Variants in ZNF75D observed in about 807,000 individuals in gnomAD.
ZNF75D encodes the protein zinc finger protein 75D.
ZNF75D carries 33 observed loss-of-function variants against 33.3 expected under a neutral mutation model. That is an observed-to-expected ratio of 0.99 (90% CI 0.75 to 1.32). The LOEUF is 1.32. Among genes scored for constraint, ZNF75D ranks in the 40% most tolerant of loss-of-function variants. The pLI, the probability that ZNF75D is intolerant of heterozygous loss-of-function variation, is 0.00. For missense variants in ZNF75D, 338 were observed against 367.5 expected, an observed-to-expected ratio of 0.92 and a Z score of 0.66; for synonymous variants, 113 against 130.6, an observed-to-expected ratio of 0.87 and a Z score of 0.92.
Position 135,287,204 on chromosome X carries a change from C to T in ZNF75D, c.1466G>A (p.Arg489Gln), listed in dbSNP as rs781912304. The change falls in exon 7 of 7, where the codon CGA becomes CAA. Residue 489 changes from arginine (R) to glutamine (Q), a missense_variant. By Grantham distance (43) the Arg-to-Gln change is conservative. This residue lies in a region of ZNF75D where 79 missense variants were observed against 80.1 expected (regional missense o/e 0.99). Transcript: ENST00000370766. ...TTTCTGGTGTCTAAGAAGGCTCGATCGCCTACTAAAGTTTCTCTTGCATAA... is the reference window on the plus strand; with the variant it reads ...TTTCTGGTGTCTAAGAAGGCTCGATTGCCTACTAAAGTTTCTCTTGCATAA... ...CSLCKRNFSR[R>Q]SSLLRHQKLH... 30 of 1,209,656 alleles carry T rather than the reference C, an allele frequency of 2.5e-5. No individual in the cohort carries two copies. The highest frequency in any genetic ancestry group is 8.9e-5 in the East Asian group (3 of 33,795).
At chrX:135,263,655 T>G (rs2083851838) in intron 1 of ZNF75D, among the ~76,000 whole-genome samples, 1 of 113,005 alleles carries the variant, frequency 8.8e-6, no homozygotes, top group Non-Finnish European at 1.9e-5. Flanking sequence ...TGTCTGCCAG[T>G]TGCTAAGACC....
Position 135,343,885 on chromosome X carries a change from C to G in ZNF75D, c.-2508G>C, listed in dbSNP as rs1283955527. ...CCTCACTGGGCTTGGGACGCTGCAGCTCCTGTCCCCGTTTCGCTTCTACCA... is the reference window on the plus strand; with the variant it reads ...CCTCACTGGGCTTGGGACGCTGCAGGTCCTGTCCCCGTTTCGCTTCTACCA... On this transcript the variant is annotated 5_prime_UTR_variant, in exon 1 of 7. Coordinates refer to ENST00000370766, the MANE Select transcript of ZNF75D (RefSeq NM_007131.5). The G allele has an allele frequency of 8.9e-6, 1 of 112,006 alleles. No homozygotes were observed. The highest frequency in any genetic ancestry group is 3.3e-5 in the African/African-American group (1 of 30,764). 9.2% of individuals were successfully genotyped at this position (112,006 alleles called of 1,213,427 possible). A position where few individuals can be genotyped will look rare whatever the true frequency, so the allele number is the denominator to read the frequency against.
intron 1 of ZNF75D, among the ~76,000 whole-genome samples, chrX:135,273,362 G>A (rs782312959): frequency 9.0e-6 from 1 of 111,420 alleles, no homozygotes; most frequent in South Asian, 3.8e-4. Context: ...ACTCACACAT[G>A]TTTCAGGTAA....
At chrX:135,263,468 G>A (rs1170161357) in intron 1 of ZNF75D, among the ~76,000 whole-genome samples, 2 of 112,828 alleles carry the variant, frequency 1.8e-5, no homozygotes, top group South Asian at 3.6e-4. Flanking sequence ...CAGTGGGCTC[G>A]TCCCAGTTTG....
chrX:135,278,257 G>A (rs1342851706), intron 1 of ZNF75D, among the ~76,000 whole-genome samples: 1 of 111,572 alleles, frequency 9.0e-6, no homozygotes, highest in Non-Finnish European at 1.9e-5. Flanking sequence ...TAGCAATTGT[G>A]AATGGGAGTT....
intron 1 of ZNF75D, among the ~76,000 whole-genome samples, chrX:135,262,988 A>T (rs782725871): frequency 4.3e-4 from 47 of 109,426 alleles, no homozygotes; most frequent in African/African-American, 1.6e-3. Flanking sequence ...GGTGTAGATG[A>T]CCTTTTTGTT....
rs1484842346 is a variant in ZNF75D at position 135,314,960 on chromosome X, C to T, written c.-390-18921G>A. On this transcript the variant is annotated intron_variant, in intron 1 of 6. Transcript: ENST00000370766. Reference sequence around the variant, plus strand: ...TATTGTTTCTAGTCTCCACTTAATTCTGCTCTGATAGTTTAAGTTTCTTTA... The same window carrying T: ...TATTGTTTCTAGTCTCCACTTAATTTTGCTCTGATAGTTTAAGTTTCTTTA... Among the ~76,000 whole-genome samples the T allele has an allele frequency of 5.4e-5, 6 of 111,650 alleles. No individual in the cohort carries two copies. The Admixed American group carries it at 5.7e-4, about 11-fold the overall frequency.
chrX:135,258,862 C>T (rs1248144509), intron 1 of ZNF75D, among the ~76,000 whole-genome samples: 1 of 111,999 alleles, frequency 8.9e-6, no homozygotes, highest in African/African-American at 3.3e-5. Flanking sequence ...GTCATGAAGT[C>T]CTTGCCCATG....
intron 1 of ZNF75D, among the ~76,000 whole-genome samples, chrX:135,339,688 T>C (rs1288768704): frequency 8.0e-5 from 9 of 112,373 alleles, no homozygotes; most frequent in Non-Finnish European, 1.3e-4. Flanking sequence ...ACATGCAATA[T>C]ATCCTGGAGT....
intron 1 of ZNF75D, among the ~76,000 whole-genome samples, chrX:135,329,074 C>T (rs782410231): frequency 2.7e-5 from 3 of 112,122 alleles, no homozygotes; most frequent in Non-Finnish European, 5.6e-5. Context: ...GTCCCAACTC[C>T]TTTCTTACAG....
At chrX:135,336,265 T>C (rs1307409136) in intron 1 of ZNF75D, among the ~76,000 whole-genome samples, 5 of 112,153 alleles carry the variant, frequency 4.5e-5, no homozygotes, top group African/African-American at 1.6e-4. Flanking sequence ...CCAAATCTGC[T>C]GGTGCCTTGA....
chrX:135,336,874 T>C (rs782660596), intron 1 of ZNF75D, among the ~76,000 whole-genome samples: 1 of 112,283 alleles, frequency 8.9e-6, no homozygotes, highest in Non-Finnish European at 1.9e-5. Flanking sequence ...TTCTGTGCTT[T>C]ACATTCAATC....
chrX:135,269,225 A>G (rs781993441), intron 1 of ZNF75D, among the ~76,000 whole-genome samples: 2 of 112,421 alleles, frequency 1.8e-5, no homozygotes, highest in East Asian at 5.6e-4. Context: ...ACAAGCACAG[A>G]CAACCAAAGC....
At chrX:135,302,228 T>A (rs1157213762) in intron 1 of ZNF75D, among the ~76,000 whole-genome samples, 1 of 112,411 alleles carries the variant, frequency 8.9e-6, no homozygotes, top group East Asian at 2.8e-4. Context: ...ACATTATATT[T>A]AGGCCCTATA....
chrX:135,290,944 T>C, intron 6 of ZNF75D, 65 bp downstream of exon 6: 1 of 1,082,947 alleles, frequency 9.2e-7, no homozygotes. Context: ...AGGGGTGCAT[T>C]TTCCATAAAC....
Position 135,292,370 on chromosome X carries a change from A to G in ZNF75D, c.515T>C (p.Phe172Ser), listed in dbSNP as rs1556421520. The G allele has an allele frequency of 8.3e-7, 1 of 1,211,460 alleles. No individual in the cohort carries two copies. Among genetic ancestry groups the G allele is most frequent in the Non-Finnish European group, 1.1e-6 (1 of 895,308 alleles). ...KPAEPQPMGV[F>S]QKEYWNTYRV... ...GTATGTATTCCAATATTCTTTCTGG[A>G]ACACACCCATTGGTTGGGGCTCTGC... Residue 172 changes from phenylalanine (F) to serine (S), a missense_variant, in exon 4 of 7, where the codon TTC becomes TCC. Around this residue, in one of 3 missense-constraint regions of ZNF75D, gnomAD observed 254 missense variants for 267.7 expected, o/e 0.95. Transcript: ENST00000370766.
At chrX:135,283,602 GC>G, downstream of ZNF75D, among the ~76,000 whole-genome samples, 1 of 111,817 alleles carries the variant, frequency 8.9e-6, no homozygotes, top group African/African-American at 3.3e-5. Flanking sequence ...CAGTTATTGT[GC>G]CCATTCCTCT....
chrX:135,296,672 A>G (rs2084134424), intron 1 of ZNF75D, among the ~76,000 whole-genome samples: 1 of 112,635 alleles, frequency 8.9e-6, no homozygotes, highest in Non-Finnish European at 1.9e-5. Flanking sequence ...TAGTTATCAG[A>G]CATGTGCTCC....
At position 135,293,745 on chromosome X, in the gene ZNF75D, A is replaced by G. The variant is rs782120513; in HGVS notation, c.396T>C (p.Asp132=). Residue 132 remains aspartate, a synonymous_variant, in exon 3 of 7, where the codon GAT becomes GAC. Transcript: ENST00000370766. ...VLVEFLQREP[D]GTKNEVTAHE... is the part of the protein sequence containing the mutation. ...TTCTTCTTACCTCATTCTTTGTTCC[A>G]TCAGGCTCCCTCTGCAAGAATTCCA... 20 of 1,178,600 alleles carry G rather than the reference A, an allele frequency of 1.7e-5. No individual in the cohort carries two copies. The East Asian group carries it at 6.0e-4, about 35-fold the overall frequency.
Sources: allele counts gnomAD v4.1 joint callset (sites outside exome capture counted in the v4.1 genomes callset), GRCh38; gene constraint gnomAD v4.1.1; regional missense constraint gnomAD v4.1.1; transcripts MANE v1.5; gene names NCBI Gene and HGNC (gene_info 2026-07-23, HGNC 2026-07-21).